Variants in KCNH8 observed in about 807,000 individuals in gnomAD.
KCNH8 encodes the protein voltage-gated delayed rectifier potassium channel KCNH8.
Under a neutral mutation model 103.6 loss-of-function variants are expected in KCNH8, and 70 were observed. The ratio of observed to expected loss-of-function variants is 0.68; its 90% CI spans 0.56 to 0.82. KCNH8 has a LOEUF of 0.82. Among genes scored for constraint, KCNH8 ranks in the 40% least tolerant of loss-of-function variants. The pLI is 0.00. For missense variants in KCNH8, 1,217 were observed against 1,329.9 expected (o/e 0.92, Z 1.32); for synonymous variants, 498 against 489.4 (o/e 1.02, Z -0.23).
intron 11 of KCNH8, among the ~76,000 whole-genome samples, chr3:19,486,466 T>G (rs984557081): frequency 3.9e-5 from 6 of 152,240 alleles, no homozygotes; most frequent in African/African-American, 1.4e-4. Flanking sequence ...ACAGGGCCGT[T>G]GCTGCCAGGG....
chr3:19,465,239 G>A (rs1331976597), intron 11 of KCNH8, among the ~76,000 whole-genome samples: 1 of 152,144 alleles, frequency 6.6e-6, no homozygotes, highest in Admixed American at 6.5e-5. Context: ...ACTTTAAGTT[G>A]AGGCTAATGC....
rs1326389905 is a variant in KCNH8, at chr3:19,154,725, G to A, written c.76+5930G>A. 3.3e-5 allele frequency among the ~76,000 whole-genome samples: 5 copies of A among 152,188 alleles called. No individual in the cohort carries two copies. In the South Asian group the frequency reaches 8.3e-4, roughly 25 times the overall value. The stretch of plus-strand genomic sequence containing the variant: ...CACAGCTGACTACTCTTCTCCTCCA[G>A]GGCGGTTTACCCCTGTATTATTCTA... On this transcript the variant is annotated intron_variant, in intron 1 of 15. Transcript: ENST00000328405.
At chr3:19,486,581 C>A (rs1378377824) in intron 11 of KCNH8, among the ~76,000 whole-genome samples, 1 of 151,494 alleles carries the variant, frequency 6.6e-6, no homozygotes, top group African/African-American at 2.4e-5. Context: ...CTGTAACTGC[C>A]ATTTTTTTTC....
intron 2 of KCNH8, among the ~76,000 whole-genome samples, chr3:19,276,237 CTAATT>C (rs1559454625): frequency 6.7e-6 from 1 of 149,792 alleles, no homozygotes. Flanking sequence ...TTTCTCTGGA[CTAATT>C]TCTAAAAACT....
chr3:19,355,867 G>A (rs1439726096), intron 5 of KCNH8, among the ~76,000 whole-genome samples: 3 of 149,468 alleles, frequency 2.0e-5, no homozygotes, highest in African/African-American at 7.5e-5. Flanking sequence ...ATGTACCCTA[G>A]AACTTAAAGT....
chr3:19,160,814 G>A (rs144194156), intron 1 of KCNH8, among the ~76,000 whole-genome samples: 208 of 152,150 alleles, frequency 1.4e-3, no homozygotes, highest in African/African-American at 4.6e-3. Flanking sequence ...CTCTCCTTTA[G>A]TCACATAGTA....
intron 7 of KCNH8, among the ~76,000 whole-genome samples, chr3:19,409,785 A>AG (rs1469027458): frequency 2.6e-5 from 4 of 152,250 alleles, no homozygotes; most frequent in African/African-American, 9.6e-5. Flanking sequence ...TTACAACATT[A>AG]CATAATGATA....
rs921054657 is a variant in KCNH8, at chr3:19,246,030, G to T, written c.77-7624G>T. 4.6e-5 allele frequency among the ~76,000 whole-genome samples: 7 copies of T among 152,084 alleles called. No individual in the cohort carries two copies. In the South Asian group the frequency reaches 1.5e-3, roughly 32 times the overall value. ...ACAATTCAACACTAAAGCTCATATA[G>T]GTGGAAAAGTGAAATTTACAAAATT... On this transcript the variant is annotated intron_variant, in intron 1 of 15. Coordinates refer to ENST00000328405, the MANE Select transcript of KCNH8 (RefSeq NM_144633.3).
chr3:19,387,309 G>T (rs922217329), intron 5 of KCNH8, among the ~76,000 whole-genome samples: 1 of 152,060 alleles, frequency 6.6e-6, no homozygotes, highest in African/African-American at 2.4e-5. Context: ...AATATATTTA[G>T]AAGTGCAGTA....
intron 6 of KCNH8, among the ~76,000 whole-genome samples, chr3:19,392,462 C>A (rs1026546963): frequency 1.3e-5 from 2 of 151,788 alleles, no homozygotes; most frequent in Non-Finnish European, 2.9e-5. Flanking sequence ...TAGTCAGGAT[C>A]AAATATCCTA....
intron 1 of KCNH8, among the ~76,000 whole-genome samples, chr3:19,248,425 A>G (rs1207877998): frequency 6.6e-6 from 1 of 152,182 alleles, no homozygotes; most frequent in African/African-American, 2.4e-5. Flanking sequence ...AGTGACATAG[A>G]GTTTGCTAAC....
intron 1 of KCNH8, among the ~76,000 whole-genome samples, chr3:19,233,810 C>T (rs570133763): frequency 2.6e-5 from 4 of 152,188 alleles, no homozygotes; most frequent in African/African-American, 9.6e-5. Context: ...TGTTACAGTT[C>T]TTAAAGGCGG....
intron 7 of KCNH8, among the ~76,000 whole-genome samples, chr3:19,416,738 A>T (rs1246053205): frequency 6.6e-6 from 1 of 152,164 alleles, no homozygotes; most frequent in Non-Finnish European, 1.5e-5. Flanking sequence ...CCCTGGGATC[A>T]AATTTTTAAA....
chr3:19,477,853 C>A lies in KCNH8; in HGVS notation c.2040+20871C>A, dbSNP rs150702011. Among the ~76,000 whole-genome samples, 457 of 152,138 alleles carry A rather than the reference C, an allele frequency of 3.0e-3. 2 individuals carry two copies. Among genetic ancestry groups the A allele is most frequent in the African/African-American group, 0.011 (446 of 41,524 alleles). On this transcript the variant is annotated intron_variant, in intron 11 of 15. Transcript: ENST00000328405. ...ATATTGCATAGTGGTGAATTCTGGG[C>A]TATTCGTGTAGCCATCACCTGAACA...
intron 11 of KCNH8, among the ~76,000 whole-genome samples, chr3:19,472,239 TGTGTGTGTTA>T (rs2067876325): frequency 7.8e-6 from 1 of 128,460 alleles, no homozygotes; most frequent in African/African-American, 3.2e-5. Context: ...TGTGTGTGTG[TGTGTGTGTTA>T]ATGTCCACAG....
chr3:19,337,465 C>G (rs913128906), intron 3 of KCNH8, among the ~76,000 whole-genome samples: 1 of 151,934 alleles, frequency 6.6e-6, no homozygotes, highest in African/African-American at 2.4e-5. Flanking sequence ...TTAAATTATC[C>G]TGCTTACTGA....
At chr3:19,244,991 G>A (rs2064185946) in intron 1 of KCNH8, among the ~76,000 whole-genome samples, 1 of 152,006 alleles carries the variant, frequency 6.6e-6, no homozygotes, top group South Asian at 2.1e-4. Flanking sequence ...TTTTATTTTT[G>A]TTGTAATTCC....
At chr3:19,448,100 T>A (rs1037929904) in intron 8 of KCNH8, among the ~76,000 whole-genome samples, 1 of 151,980 alleles carries the variant, frequency 6.6e-6, no homozygotes. Flanking sequence ...TTCACTTTCA[T>A]AAGGAAAATT....
At chr3:19,227,448 C>A (rs150337387) in intron 1 of KCNH8, among the ~76,000 whole-genome samples, 1 of 152,288 alleles carries the variant, frequency 6.6e-6, no homozygotes, top group East Asian at 1.9e-4. Context: ...TCAACATATA[C>A]AAGAGAACTC....
Sources: gnomAD v4.1 joint callset for allele counts (sites outside exome capture counted in the v4.1 genomes callset) on GRCh38, gnomAD v4.1.1 for gene constraint, MANE v1.5 for transcripts, NCBI Gene and HGNC (gene_info 2026-07-23, HGNC 2026-07-21) for gene names.